Variants in CD163L1 observed in about 807,000 individuals in gnomAD.
The protein encoded by CD163L1 is scavenger receptor cysteine-rich type 1 protein M160.
CD163L1 carries 124 observed loss-of-function variants against 165.4 expected under a neutral mutation model. That is an observed-to-expected ratio of 0.75 (90% CI 0.65 to 0.87). The LOEUF (loss-of-function observed/expected upper bound fraction) is 0.87. CD163L1 is among the 40% of genes least tolerant of loss of function. CD163L1 has a pLI of 0.00. For missense variants in CD163L1, 1,525 were observed against 1,799.9 expected, an observed-to-expected ratio of 0.85 and a Z score of 2.76; for synonymous variants, 585 against 662.2, an observed-to-expected ratio of 0.88 and a Z score of 1.79.
chr12:7,365,111 T>C (rs1946985174), intron 18 of CD163L1, among the ~76,000 whole-genome samples: 1 of 151,816 alleles, frequency 6.6e-6, no homozygotes, highest in Admixed American at 6.6e-5. Flanking sequence ...CAGATATAAA[T>C]CCATGCATTT....
At chr12:7,387,546 A>G (rs780969104) in intron 8 of CD163L1, among the ~76,000 whole-genome samples, 14 of 152,086 alleles carry the variant, frequency 9.2e-5, no homozygotes, top group Non-Finnish European at 1.9e-4. Flanking sequence ...TCCTTTTGAT[A>G]ATGAGTGAGT....
At chr12:7,373,751 A>G in intron 13 of CD163L1, 111 bp from the exon 14 acceptor site, 1 of 870,006 alleles carries the variant, frequency 1.1e-6, no homozygotes. Flanking sequence ...TCACAATACA[A>G]TTTCATAAAT....
the CD163L1 span, among the ~76,000 whole-genome samples, chr12:7,331,720 G>A: frequency 3.3e-5 from 5 of 152,172 alleles, no homozygotes; most frequent in Non-Finnish European, 7.3e-5. Context: ...GCAGCTGAGG[G>A]TCCTGACTGT....
At chr12:7,421,622 CATATATACAT>C (rs1565810855) in intron 4 of CD163L1, among the ~76,000 whole-genome samples, 1 of 3,654 alleles carries the variant, frequency 2.7e-4, no homozygotes, top group Non-Finnish European at 1.2e-3. Flanking sequence ...CATATATGTA[CATATATACAT>C]ATATGTACAC....
Position 7,347,583 on chromosome 12 carries a change from C to T in CD163L1, c.*25-436G>A, listed in dbSNP as rs931437585. 1.3e-5 allele frequency among the ~76,000 whole-genome samples: 2 copies of T among 151,892 alleles called. No homozygotes were observed. The highest frequency in any genetic ancestry group is 2.9e-5 in the Non-Finnish European group (2 of 67,972). On this transcript the variant is annotated intron_variant, in intron 4 of 4. Coordinates refer to the CD163L1 transcript ENST00000539726. The surrounding 1 kb of genome is among the most constrained non-coding windows in gnomAD (Gnocchi z 4.2). Reference sequence around the variant, plus strand: ...TCACGAGGTCAGGAGATCGAGACCACGTTGAAACCCCGTCTCTACTGAAAA... The same window carrying T: ...TCACGAGGTCAGGAGATCGAGACCATGTTGAAACCCCGTCTCTACTGAAAA...
At position 7,421,013 on chromosome 12, in the gene CD163L1, G is replaced by GTATATATACACATA. The variant is rs1565808537; in HGVS notation, c.766+11402_766+11403insTATGTGTATATATA. 5.2e-4 allele frequency among the ~76,000 whole-genome samples: 49 copies of GTATATATACACATA among 94,616 alleles called. 1 individual carries two copies. The highest frequency in any genetic ancestry group is 2.3e-3 in the African/African-American group (46 of 19,898). 62.1% of individuals were successfully genotyped at this position (94,616 alleles called of 152,430 possible). ...TATATATACATATATATATATACGT[G>GTATATATACACATA]TATATATATACATATATATATACGT... On this transcript the variant is annotated intron_variant, in intron 4 of 19. Transcript: ENST00000313599.
In CD163L1 at chr12:7,396,323, ACACTGTGCCC is replaced by A; in HGVS notation, c.1812_1821del (p.Trp604CysfsTer74). On this transcript the variant is annotated frameshift_variant, in exon 8 of 20. Coordinates refer to ENST00000313599, the MANE Select transcript of CD163L1 (RefSeq NM_174941.6). LOFTEE classifies it high-confidence loss of function. The stretch of plus-strand genomic sequence containing the variant: ...GCTTTACTGTTCCAGCCGTCATCAC[ACACTGTGCCC>A]CACCGTCCTTGAAAGTACACCTCCA... The A allele has an allele frequency of 2.5e-6, 4 of 1,614,168 alleles. No homozygotes were observed. Among genetic ancestry groups the A allele is most frequent in the Non-Finnish European group, 3.4e-6 (4 of 1,180,024 alleles).
chr12:7,403,199 A>T (rs1591930878), intron 6 of CD163L1, among the ~76,000 whole-genome samples: 3 of 52,150 alleles, frequency 5.8e-5, no homozygotes, highest in Middle Eastern at 0.014. Flanking sequence ...ATTATTAAAT[A>T]AAAAAAGTTA....
At chr12:7,384,039 C>CA (rs1464182480) in intron 8 of CD163L1, among the ~76,000 whole-genome samples, 2 of 150,814 alleles carry the variant, frequency 1.3e-5, no homozygotes, top group Admixed American at 6.6e-5. Flanking sequence ...GTGAAACACA[C>CA]AAAAAAACAC....
chr12:7,350,429 G>T (rs894289804), downstream of CD163L1, among the ~76,000 whole-genome samples: 6 of 152,150 alleles, frequency 3.9e-5, no homozygotes, highest in African/African-American at 1.4e-4. Flanking sequence ...TTCTGGGGTT[G>T]CCAGTTCTTA....
At chr12:7,357,607 C>A in intron 18 of CD163L1, 121 bp from the exon 19 acceptor site, 1 of 637,026 alleles carries the variant, frequency 1.6e-6, no homozygotes, top group South Asian at 2.5e-5. Context: ...GTGACTATTA[C>A]ATAAATTAAG....
At chr12:7,399,273 CT>C (rs2136508083) in intron 6 of CD163L1, among the ~76,000 whole-genome samples, 1 of 142,166 alleles carries the variant, frequency 7.0e-6, no homozygotes, top group African/African-American at 2.8e-5. Flanking sequence ...CTCTTTCTTC[CT>C]TTTTCTTCTT....
Position 7,357,486 on chromosome 12 carries a change from T to A in CD163L1, c.4280A>T (p.Asp1427Val). Residue 1427 changes from aspartate to valine, a missense_variant and splice_region_variant, in exon 19 of 20, where the codon GAT (aspartate) becomes GTT (valine). Asp to Val is a radical substitution (Grantham distance 152, BLOSUM62 -3). Coordinates refer to ENST00000313599, the MANE Select transcript of CD163L1 (RefSeq NM_174941.6). ...TTCACAACCATGGTTGGGGGTGTCA[T>A]CTGAAAGAAAGGCAAAATCTGTATT... ...REDPHGTRTS[D>V]DTPNHGCEDA... The A allele has an allele frequency of 6.2e-7, 1 of 1,612,322 alleles. No individual in the cohort carries two copies. The highest frequency in any genetic ancestry group is 8.5e-7 in the Non-Finnish European group (1 of 1,178,838).
rs1947954976 is a variant in CD163L1, at chr12:7,403,599, G to A, written c.1344C>T (p.Cys448=). Residue 448 remains cysteine, a synonymous_variant, in exon 6 of 20, where the codon TGC becomes TGT. Coordinates refer to ENST00000313599, the MANE Select transcript of CD163L1 (RefSeq NM_174941.6). ...TTCGCTTTGCTTTTCCATCATATGT[G>A]CAGTCCCAGAGAGCTGACTCATTCC... ...CTGNESALWD[C]TYDGKAKRTC... The A allele has an allele frequency of 1.9e-6, 3 of 1,613,792 alleles. No homozygotes were observed. The highest frequency in any genetic ancestry group is 1.3e-5 in the African/African-American group (1 of 74,884).
intron 1 of CD163L1, 25 bp downstream of exon 1, chr12:7,444,072 G>C (rs899790099): frequency 6.2e-7 from 1 of 1,612,566 alleles, no homozygotes; most frequent in Non-Finnish European, 8.5e-7. Flanking sequence ...CCAAATGGCA[G>C]AGCAAAATAA....
downstream of CD163L1, among the ~76,000 whole-genome samples, chr12:7,345,127 T>C (rs1288870248): frequency 6.6e-6 from 1 of 151,348 alleles, no homozygotes; most frequent in Non-Finnish European, 1.5e-5. Context: ...TCTCTACTGA[T>C]AATGCTTTTT....
At chr12:7,441,750 C>G (rs1689811742) in intron 1 of CD163L1, among the ~76,000 whole-genome samples, 1 of 152,160 alleles carries the variant, frequency 6.6e-6, no homozygotes, top group East Asian at 1.9e-4. Context: ...TGGCTTGTGA[C>G]TGGAATGTAC....
At chr12:7,357,534 T>C (rs1474898575) in intron 18 of CD163L1, 48 bp from the exon 19 acceptor site, 2 of 1,525,914 alleles carry the variant, frequency 1.3e-6, no homozygotes, top group Non-Finnish European at 1.8e-6. Flanking sequence ...AAAACCTCTC[T>C]GCAGAGGGAA....
At chr12:7,328,214 A>C in the CD163L1 span, 2 of 1,182,978 alleles carry the variant, frequency 1.7e-6, no homozygotes, top group Non-Finnish European at 2.4e-6. Context: ...GTTCCATGCA[A>C]GCTCCTTCCT....
Sources: allele counts gnomAD v4.1 joint callset (sites outside exome capture counted in the v4.1 genomes callset), GRCh38; gene constraint gnomAD v4.1.1; non-coding constraint Gnocchi (gnomAD v3.1); transcripts MANE v1.5; gene names NCBI Gene and HGNC (gene_info 2026-07-23, HGNC 2026-07-21).